TENM3: variants seen among roughly 807,000 people sequenced by gnomAD.
TENM3 encodes the protein teneurin-3.
TENM3 carries 63 observed loss-of-function variants against 255.1 expected under a neutral mutation model. That is an observed-to-expected ratio of 0.25 (90% CI 0.20 to 0.30). The LOEUF is 0.30. TENM3 is among the 10% of genes least tolerant of loss of function. The pLI, the probability that TENM3 is intolerant of heterozygous loss-of-function variation, is 1.00. For missense variants in TENM3, 2,929 were observed against 3,461.1 expected (o/e 0.85, Z 3.86); for synonymous variants, 1,306 against 1,322.3 (o/e 0.99, Z 0.27).
chr4:181,546,677 G>A, the TENM3 span, among the ~76,000 whole-genome samples: 1 of 135,920 alleles, frequency 7.4e-6, no homozygotes, highest in Non-Finnish European at 1.5e-5. Flanking sequence ...TCGCGCCACT[G>A]CACTCCAGCC....
chr4:182,435,880 T>C (rs1220974392), intron 3 of TENM3, among the ~76,000 whole-genome samples: 1 of 152,136 alleles, frequency 6.6e-6, no homozygotes, highest in Non-Finnish European at 1.5e-5. Context: ...TTCTCCATAA[T>C]TGGAAGAAAA....
the TENM3 span, among the ~76,000 whole-genome samples, chr4:181,911,271 G>A: frequency 6.6e-6 from 1 of 152,140 alleles, no homozygotes; most frequent in Non-Finnish European, 1.5e-5. Flanking sequence ...AAGGTCATCT[G>A]GAAAATTGGG....
At chr4:181,807,195 CA>C in the TENM3 span, among the ~76,000 whole-genome samples, 1 of 152,310 alleles carries the variant, frequency 6.6e-6, no homozygotes, top group Admixed American at 6.5e-5. Context: ...GCAAATTCCT[CA>C]ACAGGAGAGA....
the TENM3 span, among the ~76,000 whole-genome samples, chr4:182,129,312 A>G: frequency 6.6e-6 from 1 of 152,220 alleles, no homozygotes; most frequent in Admixed American, 6.5e-5. Flanking sequence ...CTCATAATAT[A>G]TAATAAAAGG....
At chr4:181,814,997 A>G in the TENM3 span, among the ~76,000 whole-genome samples, 1 of 152,218 alleles carries the variant, frequency 6.6e-6, no homozygotes, top group South Asian at 2.1e-4. Context: ...AAAAAGGCCT[A>G]TAAAATAGAT....
the TENM3 span, among the ~76,000 whole-genome samples, chr4:181,723,185 A>G: frequency 3.3e-5 from 5 of 151,626 alleles, no homozygotes; most frequent in African/African-American, 1.2e-4. Flanking sequence ...CTTAATTTCA[A>G]TGATTGTACA....
the TENM3 span, among the ~76,000 whole-genome samples, chr4:181,494,585 T>C: frequency 2.0e-5 from 3 of 152,036 alleles, no homozygotes. Context: ...CGCACCCGGC[T>C]CAGCTTCTCT....
chr4:182,360,605 C>T (rs2150773642), intron 3 of TENM3, among the ~76,000 whole-genome samples: 1 of 152,298 alleles, frequency 6.6e-6, no homozygotes, highest in Non-Finnish European at 1.5e-5. Context: ...TATTTTGAGG[C>T]TATGTGTGTC....
chr4:181,627,326 G>A, the TENM3 span, among the ~76,000 whole-genome samples: 1 of 152,068 alleles, frequency 6.6e-6, no homozygotes, highest in African/African-American at 2.4e-5. Flanking sequence ...GGAAGTAAGT[G>A]TGCACACATT....
At chr4:181,737,181 A>G in the TENM3 span, among the ~76,000 whole-genome samples, 1 of 152,164 alleles carries the variant, frequency 6.6e-6, no homozygotes, top group South Asian at 2.1e-4. Flanking sequence ...TAGTACAGAT[A>G]TATTGTTCCA....
At chr4:182,203,658 C>T (rs1416074415) in intron 1 of TENM3, among the ~76,000 whole-genome samples, 1 of 152,188 alleles carries the variant, frequency 6.6e-6, no homozygotes, top group African/African-American at 2.4e-5. Flanking sequence ...CCCAACGCCT[C>T]TCCCGCTAAC....
At chr4:182,472,089 C>T (rs1733181620) in intron 3 of TENM3, among the ~76,000 whole-genome samples, 1 of 152,156 alleles carries the variant, frequency 6.6e-6, no homozygotes. Context: ...AGAGCAGAGG[C>T]TATAAATTAG....
At chr4:182,748,862 A>G (rs1762185273) in intron 19 of TENM3, among the ~76,000 whole-genome samples, 1 of 152,178 alleles carries the variant, frequency 6.6e-6, no homozygotes, top group Non-Finnish European at 1.5e-5. Context: ...TACAGCTTTC[A>G]TTTATCAGAC....
intron 16 of TENM3, among the ~76,000 whole-genome samples, chr4:182,732,825 C>CA (rs1381632736): frequency 6.6e-6 from 1 of 151,946 alleles, no homozygotes; most frequent in Non-Finnish European, 1.5e-5. Flanking sequence ...GACCCTGTCT[C>CA]AAAAATATAT....
the TENM3 span, among the ~76,000 whole-genome samples, chr4:181,626,643 A>G: frequency 2.6e-5 from 4 of 152,152 alleles, no homozygotes; most frequent in Non-Finnish European, 4.4e-5. Flanking sequence ...ACTCATTACC[A>G]TGGGAATGGA....
chr4:181,692,585 T>C, the TENM3 span, among the ~76,000 whole-genome samples: 1,443 of 152,312 alleles, frequency 9.5e-3, 20 homozygotes, highest in African/African-American at 0.033. Context: ...ACGTATTTAG[T>C]TTGGTATTGC....
the TENM3 span, among the ~76,000 whole-genome samples, chr4:181,865,677 G>GT: frequency 6.6e-6 from 1 of 152,176 alleles, no homozygotes; most frequent in Non-Finnish European, 1.5e-5. Flanking sequence ...AGAAATAACC[G>GT]TTTTTTTCCA....
chr4:181,613,103 G>T, the TENM3 span, among the ~76,000 whole-genome samples: 1 of 152,100 alleles, frequency 6.6e-6, no homozygotes, highest in Admixed American at 6.6e-5. Flanking sequence ...GAGAATTCAC[G>T]CCTTTGTGAA....
chr4:181,862,647 A>T, the TENM3 span, among the ~76,000 whole-genome samples: 1 of 152,098 alleles, frequency 6.6e-6, no homozygotes, highest in Admixed American at 6.5e-5. Flanking sequence ...TTTCTTTTCC[A>T]TGTGTTTTCT....
Sources: allele counts gnomAD v4.1 joint callset (sites outside exome capture counted in the v4.1 genomes callset), GRCh38; gene constraint gnomAD v4.1.1; transcripts MANE v1.5; gene names NCBI Gene and HGNC (gene_info 2026-07-23, HGNC 2026-07-21).